Variants in NPEPL1 observed in about 807,000 individuals in gnomAD.
NPEPL1 encodes the protein aminopeptidase like 1, also known as probable aminopeptidase NPEPL1.
In NPEPL1, 45 loss-of-function variants were observed where a neutral mutation model predicts 52.4. That is an observed-to-expected ratio of 0.86 (90% confidence interval 0.68 to 1.10). The LOEUF is 1.10. Among genes scored for constraint, NPEPL1 ranks in the 50% least tolerant of loss-of-function variants. The pLI, the probability that NPEPL1 is intolerant of heterozygous loss-of-function variation, is 0.00. For synonymous variants in NPEPL1, 360 were observed against 314.7 expected (o/e 1.14, Z -1.52); for missense variants, 696 against 710.9 (o/e 0.98, Z 0.24).
chr20:58,695,116 TGCTGGTGTGTGC>T (rs2084448728), intron 3 of NPEPL1, among the ~76,000 whole-genome samples: 1 of 12,778 alleles, frequency 7.8e-5, no homozygotes, highest in Non-Finnish European at 1.7e-4. Flanking sequence ...TGTGTGTGTT[TGCTGGTGTGTGC>T]ATGAGTGGTG....
At chr20:58,693,983 C>A in intron 2 of NPEPL1, 61 bp downstream of exon 2, 1 of 1,456,406 alleles carries the variant, frequency 6.9e-7, no homozygotes, top group Non-Finnish European at 9.2e-7. Flanking sequence ...GAGCTCGGGC[C>A]TGGGGAGCTC....
At chr20:58,712,932 T>TCCC in intron 8 of NPEPL1, 1 of 390,500 alleles carries the variant, frequency 2.6e-6, no homozygotes, top group Non-Finnish European at 4.9e-6. Context: ...CTCCTGCATC[T>TCCC]CCCCCTTGAG....
At chr20:58,702,102 C>T (rs1248793495) in intron 6 of NPEPL1, among the ~76,000 whole-genome samples, 2 of 152,254 alleles carry the variant, frequency 1.3e-5, no homozygotes, top group Non-Finnish European at 2.9e-5. Flanking sequence ...GCAGCAGACA[C>T]TGCAAACTAG....
chr20:58,703,911 C>A (rs3746395), intron 6 of NPEPL1: 373,611 of 985,040 alleles, frequency 0.38, 72,901 homozygotes, highest in Non-Finnish European at 0.4. Context: ...CCGGGGTCCA[C>A]CTGGTCTGCA....
intron 7 of NPEPL1, chr20:58,711,099 TCCTCCTCC>T (rs2084829752): frequency 2.7e-5 from 1 of 36,546 alleles, no homozygotes; most frequent in Non-Finnish European, 4.7e-5. Context: ...CCTCTCCTCC[TCCTCCTCC>T]CCCCCTCCTC....
At chr20:58,692,657 G>A (rs2084374617), upstream of NPEPL1, 2 of 263,972 alleles carry the variant, frequency 7.6e-6, no homozygotes, top group African/African-American at 2.3e-5. The surrounding 1 kb of genome is among the most constrained non-coding windows in gnomAD (Gnocchi z 5.7). Context: ...CCTGCTCGGG[G>A]CCGGCTTCGG....
upstream of NPEPL1, chr20:58,691,114 A>C (rs1187091118): frequency 2.8e-6 from 2 of 703,258 alleles, no homozygotes; most frequent in Non-Finnish European, 5.2e-6. Flanking sequence ...GCATGGCCTT[A>C]GTCTCTCACC....
At chr20:58,698,319 CAG>C (rs888866145) in intron 3 of NPEPL1, among the ~76,000 whole-genome samples, 6 of 152,098 alleles carry the variant, frequency 3.9e-5, no homozygotes, top group East Asian at 3.9e-4. Context: ...AGGGCATACT[CAG>C]GGGCTGGCAT....
chr20:58,693,304 T>A, intron 1 of NPEPL1: 1 of 166,462 alleles, frequency 6.0e-6, no homozygotes, highest in Non-Finnish European at 1.2e-5. Context: ...CCGCGACACC[T>A]GCGGACGGCG....
intron 7 of NPEPL1, among the ~76,000 whole-genome samples, chr20:58,711,980 G>A (rs1034020794): frequency 3.3e-5 from 5 of 152,240 alleles, no homozygotes; most frequent in Non-Finnish European, 5.9e-5. Context: ...TAGAACCTGT[G>A]CAGGGCAGGA....
At chr20:58,701,829 C>A (rs573616012) in intron 6 of NPEPL1, among the ~76,000 whole-genome samples, 1 of 152,288 alleles carries the variant, frequency 6.6e-6, no homozygotes, top group Admixed American at 6.5e-5. Context: ...CGGGAACATC[C>A]CGGTGCGGTG....
chr20:58,691,694 T>A, upstream of NPEPL1: 3 of 56,248 alleles, frequency 5.3e-5, no homozygotes, highest in South Asian at 1.4e-4. Context: ...TTTTCTTTTC[T>A]TTTTTTTTTT....
At chr20:58,711,116 T>TCCCCCTCCC (rs2084831877) in intron 7 of NPEPL1, 1 of 40,344 alleles carries the variant, frequency 2.5e-5, no homozygotes, top group Non-Finnish European at 4.2e-5. Context: ...CCCCCCCTCC[T>TCCCCCTCCC]CCCCCTCTCC....
intron 3 of NPEPL1, 134 bp from the exon 4 acceptor site, chr20:58,698,550 T>C: frequency 2.6e-6 from 2 of 755,312 alleles, no homozygotes; most frequent in Non-Finnish European, 4.5e-6. Context: ...GGTCCCCCTC[T>C]CCCCTCTCTT....
intron 3 of NPEPL1, among the ~76,000 whole-genome samples, chr20:58,698,124 A>G (rs2084528547): frequency 6.6e-6 from 1 of 152,186 alleles, no homozygotes; most frequent in South Asian, 2.1e-4. Flanking sequence ...AACGGCCCAG[A>G]GGGAAGGCGT....
At chr20:58,695,070 GGT>G (rs2084443781) in intron 3 of NPEPL1, among the ~76,000 whole-genome samples, 2 of 128,900 alleles carry the variant, frequency 1.6e-5, no homozygotes, top group South Asian at 2.5e-4. Flanking sequence ...GTGCATGAGT[GGT>G]GTGTGTGGTG....
intron 6 of NPEPL1, chr20:58,705,499 G>C: frequency 2.2e-6 from 1 of 456,280 alleles, no homozygotes; most frequent in Non-Finnish European, 4.4e-6. Flanking sequence ...TTTTCCCAGA[G>C]GGCACGGAAA....
Position 58,713,375 on chromosome 20 carries a change from C to A in NPEPL1, c.1002-45C>A. On this transcript the variant is annotated intron_variant, in intron 8 of 11. Transcript: ENST00000356091. The surrounding 1 kb of genome is among the most constrained non-coding windows in gnomAD (Gnocchi z 4.6). ...GTTTCAAAGGGGCTCATGCCAGTGTCCCAGGAAATCCCGTCCCTGAGCGGG... is the reference window on the plus strand; with the variant it reads ...GTTTCAAAGGGGCTCATGCCAGTGTACCAGGAAATCCCGTCCCTGAGCGGG... 1 of 1,542,888 alleles carries A rather than the reference C, an allele frequency of 6.5e-7. No homozygotes were observed. The highest frequency in any genetic ancestry group is 1.2e-5 in the South Asian group (1 of 82,536).
chr20:58,706,276 T>C (rs970236005), intron 6 of NPEPL1, among the ~76,000 whole-genome samples: 1 of 152,334 alleles, frequency 6.6e-6, no homozygotes, highest in Admixed American at 6.5e-5. Flanking sequence ...CTTCTGGCGA[T>C]AGACCTGGCA....
Sources: allele counts gnomAD v4.1 joint callset (sites outside exome capture counted in the v4.1 genomes callset), GRCh38; gene constraint gnomAD v4.1.1; non-coding constraint Gnocchi (gnomAD v3.1); transcripts MANE v1.5; gene names NCBI Gene and HGNC (gene_info 2026-07-23, HGNC 2026-07-21).